Variants in CCDC150 observed in about 807,000 individuals in gnomAD.
CCDC150 encodes coiled-coil domain containing 150.
In CCDC150, 151 loss-of-function variants were observed where a neutral mutation model predicts 156.5. The ratio of observed to expected loss-of-function variants is 0.97; its 90% confidence interval spans 0.85 to 1.10. The LOEUF is 1.10. Among genes scored for constraint, CCDC150 ranks in the 50% least tolerant of loss-of-function variants. The pLI is 0.00. For synonymous variants in CCDC150, 452 were observed against 429.4 expected (o/e 1.05, Z -0.65); for missense variants, 1,312 against 1,268.1 (o/e 1.03, Z -0.53).
Position 196,656,870 on chromosome 2 carries a change from CA to C in CCDC150, c.397+18del. ...AGAAAACAGGTATAGAGATAAGAAT[CA>C]TCAGAAATGTGGTCCTGTATAGGTG... is the stretch of plus-strand genomic sequence containing the variant. On this transcript the variant is annotated intron_variant, in intron 3 of 27. Transcript: ENST00000389175. The C allele has an allele frequency of 6.2e-7, 1 of 1,612,510 alleles. No individual in the cohort carries two copies. Among genetic ancestry groups the C allele is most frequent in the Non-Finnish European group, 8.5e-7 (1 of 1,178,818 alleles).
chr2:196,695,201 A>T (rs1695745481), intron 14 of CCDC150, 42 bp downstream of exon 14: 1 of 1,044,734 alleles, frequency 9.6e-7, no homozygotes, highest in African/African-American at 1.6e-5. Flanking sequence ...TTAATGACTA[A>T]TGAGTTCAGA....
At chr2:196,705,447 GCT>G (rs1448644891) in intron 15 of CCDC150, among the ~76,000 whole-genome samples, 6 of 152,302 alleles carry the variant, frequency 3.9e-5, no homozygotes, top group African/African-American at 1.2e-4. Flanking sequence ...CAGGATATTA[GCT>G]CTTTGTCAGA....
At position 196,676,534 on chromosome 2, in the gene CCDC150, T is replaced by G. The variant is rs777094308; in HGVS notation, c.1263-20T>G. ...AGAACTCTAATTTAGCTTTCATATG[T>G]TCTTGATCTCTTCCTGCAGGGATCA... On this transcript the variant is annotated intron_variant, in intron 11 of 27. Coordinates refer to ENST00000389175, the MANE Select transcript of CCDC150 (RefSeq NM_001080539.2). The G allele has an allele frequency of 1.3e-6, 2 of 1,588,130 alleles. No individual in the cohort carries two copies. The highest frequency in any genetic ancestry group is 2.3e-5 in the South Asian group (2 of 86,790).
intron 13 of CCDC150, among the ~76,000 whole-genome samples, chr2:196,679,715 C>A (rs1474565368): frequency 6.6e-6 from 1 of 152,170 alleles, no homozygotes; most frequent in Non-Finnish European, 1.5e-5. Context: ...ACAATCTGTA[C>A]CATCTTACAT....
At chr2:196,652,626 C>T (rs62185585) in intron 2 of CCDC150, among the ~76,000 whole-genome samples, 19,468 of 152,262 alleles carry the variant, frequency 0.13, 1,659 homozygotes, top group Non-Finnish European at 0.2. Context: ...CTGCCAGTGG[C>T]TGTGTCCTTC....
chr2:196,657,143 G>A lies in CCDC150; in HGVS notation c.576+7G>A, dbSNP rs770612889. On this transcript the variant is annotated splice_region_variant and intron_variant, in intron 4 of 27. Coordinates refer to ENST00000389175, the MANE Select transcript of CCDC150 (RefSeq NM_001080539.2). ...GATTGCCTCGCAGACAAAGGTTTGAGTCTAAGAGTTCTGAAGTATAAACAC... is the reference window on the plus strand; with the variant it reads ...GATTGCCTCGCAGACAAAGGTTTGAATCTAAGAGTTCTGAAGTATAAACAC... 2 of 1,613,342 alleles carry A rather than the reference G, an allele frequency of 1.2e-6. No homozygotes were observed. The highest frequency in any genetic ancestry group is 1.7e-6 in the Non-Finnish European group (2 of 1,179,470).
chr2:196,644,564 T>C (rs970486726), intron 1 of CCDC150, among the ~76,000 whole-genome samples: 20 of 151,990 alleles, frequency 1.3e-4, no homozygotes, highest in African/African-American at 3.6e-4. Context: ...GTTTTTTTTT[T>C]CCCAGAAATG....
chr2:196,730,270 T>C (rs892624128), intron 25 of CCDC150, among the ~76,000 whole-genome samples, 152 bp downstream of exon 25: 26 of 152,234 alleles, frequency 1.7e-4, no homozygotes, highest in Non-Finnish European at 3.5e-4. Context: ...AATAATAGTA[T>C]CTAGGAAGAA....
chr2:196,680,465 C>T (rs980729558), intron 13 of CCDC150, among the ~76,000 whole-genome samples: 5 of 152,046 alleles, frequency 3.3e-5, no homozygotes, highest in African/African-American at 7.2e-5. Context: ...CCACACTCAG[C>T]TAATTTTTTT....
rs777655736 is a variant in CCDC150 at position 196,646,508 on chromosome 2, A to G, written c.176+4A>G. 3 of 1,612,006 alleles carry G rather than the reference A, an allele frequency of 1.9e-6. No homozygotes were observed. Among genetic ancestry groups the G allele is most frequent in the Non-Finnish European group, 2.5e-6 (3 of 1,178,310 alleles). On this transcript the variant is annotated splice_donor_region_variant and intron_variant, in intron 2 of 27. Coordinates refer to ENST00000389175, the MANE Select transcript of CCDC150 (RefSeq NM_001080539.2). ...TGTTGGATTTTGGTGAAAAAAGGTA[A>G]CAAAAATGAACTACATCTCTGTAGG...
At chr2:196,669,327 C>T (rs1384922239) in intron 7 of CCDC150, among the ~76,000 whole-genome samples, 4 of 152,168 alleles carry the variant, frequency 2.6e-5, no homozygotes, top group African/African-American at 9.6e-5. Flanking sequence ...TACCCTGCTG[C>T]CCAAGTCTGA....
At chr2:196,723,724 G>A (rs1698053399) in intron 21 of CCDC150, among the ~76,000 whole-genome samples, 1 of 152,192 alleles carries the variant, frequency 6.6e-6, no homozygotes, top group Non-Finnish European at 1.5e-5. Flanking sequence ...GTCAGATGCT[G>A]CAGAGTCAAA....
chr2:196,666,710 C>G lies in CCDC150; in HGVS notation c.763-9C>G, dbSNP rs769899160. The G allele has an allele frequency of 1.7e-5, 27 of 1,584,244 alleles. No individual in the cohort carries two copies. The highest frequency in any genetic ancestry group is 3.4e-6 in the Non-Finnish European group (4 of 1,168,076). Reference sequence around the variant, plus strand: ...TCACAGAAAAAGAGTTTTTCTTATACAATTTCAGGTGCACATTTTGCAGCA... The same window carrying G: ...TCACAGAAAAAGAGTTTTTCTTATAGAATTTCAGGTGCACATTTTGCAGCA... On this transcript the variant is annotated splice_polypyrimidine_tract_variant and intron_variant, in intron 6 of 27. Transcript: ENST00000389175.
intron 15 of CCDC150, among the ~76,000 whole-genome samples, chr2:196,708,645 C>T (rs575683241): frequency 5.9e-5 from 9 of 152,238 alleles, no homozygotes; most frequent in South Asian, 2.1e-4. Flanking sequence ...TGGCTGGTAC[C>T]GGTTGTTCCT....
chr2:196,649,991 C>A (rs1382103659), intron 2 of CCDC150, among the ~76,000 whole-genome samples: 1 of 152,026 alleles, frequency 6.6e-6, no homozygotes, highest in Non-Finnish European at 1.5e-5. Flanking sequence ...TCTTTTATTT[C>A]TTTTTCTTTT....
At chr2:196,670,595 T>C (rs1414155085) in intron 8 of CCDC150, among the ~76,000 whole-genome samples, 2 of 151,922 alleles carry the variant, frequency 1.3e-5, no homozygotes, top group Non-Finnish European at 2.9e-5. Flanking sequence ...TGTTTTCTTC[T>C]GCTCCACTCT....
At chr2:196,657,225 G>A (rs1575766020) in intron 4 of CCDC150, 89 bp downstream of exon 4, 3 of 1,263,874 alleles carry the variant, frequency 2.4e-6, no homozygotes, top group South Asian at 2.8e-5. Flanking sequence ...TTTAAAAATA[G>A]GTGATGTTGA....
At chr2:196,682,216 C>A (rs1278822294) in intron 13 of CCDC150, among the ~76,000 whole-genome samples, 1 of 151,996 alleles carries the variant, frequency 6.6e-6, no homozygotes, top group Non-Finnish European at 1.5e-5. Context: ...AAAGATCATT[C>A]ATTCTTTCTA....
chr2:196,716,588 A>T (rs1188223164), intron 17 of CCDC150, among the ~76,000 whole-genome samples: 1 of 152,222 alleles, frequency 6.6e-6, no homozygotes, highest in African/African-American at 2.4e-5. Flanking sequence ...TACCTGTGAG[A>T]ATCACCAGAA....
Sources: allele counts gnomAD v4.1 joint callset (sites outside exome capture counted in the v4.1 genomes callset), GRCh38; gene constraint gnomAD v4.1.1; transcripts MANE v1.5; gene names NCBI Gene and HGNC (gene_info 2026-07-23, HGNC 2026-07-21).